The following SATB1 variants were observed in gnomAD, a reference collection of about 807,000 sequenced individuals.
SATB1 encodes the protein DNA-binding protein SATB1.
SATB1 carries 11 observed loss-of-function variants against 86.9 expected under a neutral mutation model. The ratio of observed to expected loss-of-function variants is 0.13; its 90% CI spans 0.08 to 0.21. The LOEUF is 0.21. SATB1 is among the 10% of genes least tolerant of loss of function. The probability of loss-of-function intolerance (pLI) is 1.00; values close to 1 mark genes in which losing one functional copy is unlikely to be tolerated. For synonymous variants in SATB1, 357 were observed against 357.2 expected (o/e 1.00, Z 0.01); for missense variants, 551 against 937.6 (o/e 0.59, Z 5.39).
intron 7 of SATB1, among the ~76,000 whole-genome samples, chr3:18,393,947 T>C (rs1477150531): frequency 6.6e-6 from 1 of 151,726 alleles, no homozygotes; most frequent in Non-Finnish European, 1.5e-5. Context: ...AATGGCTGCT[T>C]AGAATTAAGT....
In SATB1 at chr3:18,352,458, T is replaced by A. The variant is rs2125129408; in HGVS notation, c.1576-263A>T. The A allele has an allele frequency of 2.5e-6, 1 of 399,982 alleles. No homozygotes were observed. The highest frequency in any genetic ancestry group is 4.4e-5 in the East Asian group (1 of 22,770). The allele number at this position is 399,982 out of a possible 1,614,324, so 24.8% of individuals were successfully genotyped here. On this transcript the variant is annotated intron_variant, in intron 9 of 10. Coordinates refer to ENST00000338745, the MANE Select transcript of SATB1 (RefSeq NM_002971.6). The surrounding 1 kb of genome is among the most constrained non-coding windows in gnomAD (Gnocchi z 4.1). ...CAGACTCTGAGGGTAACAGAGCATTTATCACAGATTTTTTAATATATGAAA... is the reference window on the plus strand; with the variant it reads ...CAGACTCTGAGGGTAACAGAGCATTAATCACAGATTTTTTAATATATGAAA...
At chr3:18,442,023 CA>C (rs1387361920), upstream of SATB1, among the ~76,000 whole-genome samples, 1 of 151,994 alleles carries the variant, frequency 6.6e-6, no homozygotes. Flanking sequence ...CAAATCTGAA[CA>C]AAAAACATTC....
At chr3:18,419,808 C>T (rs1432348163) in intron 2 of SATB1, among the ~76,000 whole-genome samples, 1 of 152,114 alleles carries the variant, frequency 6.6e-6, no homozygotes, top group African/African-American at 2.4e-5. Context: ...TCTAACAATA[C>T]GGACTGCTGT....
chr3:18,412,852 G>T (rs1399649489), intron 5 of SATB1, among the ~76,000 whole-genome samples: 4 of 151,980 alleles, frequency 2.6e-5, no homozygotes, highest in African/African-American at 9.7e-5. Flanking sequence ...AAAAAATTCT[G>T]ACTGGAGTAT....
At position 18,348,923 on chromosome 3, in the gene SATB1, G is replaced by C. The variant is rs897403562; in HGVS notation, c.*247C>G. The C allele has an allele frequency of 1.2e-5, 7 of 567,192 alleles. No individual in the cohort carries two copies. Among genetic ancestry groups the C allele is most frequent in the Non-Finnish European group, 1.8e-5 (6 of 337,428 alleles). The allele number at this position is 567,192 out of a possible 1,614,324, so 35.1% of individuals were successfully genotyped here. On this transcript the variant is annotated 3_prime_UTR_variant, in exon 11 of 11. Coordinates refer to ENST00000338745, the MANE Select transcript of SATB1 (RefSeq NM_002971.6). ...GGGTACACACTTTGGTGCATCCCGT[G>C]AACACAAATTTTAATACCAAACAAT...
At chr3:18,414,857 C>A in intron 5 of SATB1, 1 of 354,888 alleles carries the variant, frequency 2.8e-6, no homozygotes, top group Non-Finnish European at 5.1e-6. Context: ...AAAAATTAGC[C>A]AGCGGAGTCT....
intron 5 of SATB1, chr3:18,408,706 G>A (rs1697677799): frequency 6.6e-6 from 1 of 151,254 alleles, no homozygotes; most frequent in African/African-American, 2.4e-5. Flanking sequence ...TGGAGTTGGG[G>A]GTTGTTCATG....
chr3:18,434,593 T>C (rs71312169), intron 2 of SATB1, among the ~76,000 whole-genome samples: 2 of 151,904 alleles, frequency 1.3e-5, no homozygotes, highest in African/African-American at 2.4e-5. Flanking sequence ...GTGGGAAAAG[T>C]AGTGGAGAAA....
At position 18,417,406 on chromosome 3, in the gene SATB1, G is replaced by T; in HGVS notation, c.212-328C>A. On this transcript the variant is annotated intron_variant, in intron 2 of 10. Coordinates refer to ENST00000338745, the MANE Select transcript of SATB1 (RefSeq NM_002971.6). The stretch of plus-strand genomic sequence containing the variant: ...TAATGGTGACGAAAGAGAAATAAAT[G>T]TATCTTCTCTAATTTGCTATGAGTA... 3 of 558,520 alleles carry T rather than the reference G, an allele frequency of 5.4e-6. No homozygotes were observed. In the South Asian group the frequency reaches 7.1e-5, roughly 13 times the overall value. The allele number at this position is 558,520 out of a possible 1,614,324, so 34.6% of individuals were successfully genotyped here. A position where few individuals can be genotyped will look rare whatever the true frequency, so the allele number is the denominator to read the frequency against.
At position 18,349,604 on chromosome 3, in the gene SATB1, T is replaced by TCTGTGGCTGCTG; in HGVS notation, c.1846_1857dup (p.Gln616_Gln619dup). ...TGCCGTGGGGGGAGCCGAGGGCCTG[T>TCTGTGGCTGCTG]CTGTGGCTGCTGCTGTGGCTGTGGA... On this transcript the variant is annotated inframe_insertion, in exon 11 of 11. Coordinates refer to ENST00000338745, the MANE Select transcript of SATB1 (RefSeq NM_002971.6). This position sits in a 1 kb window ranked among gnomAD's most constrained non-coding sequence, Gnocchi z 5.5. The TCTGTGGCTGCTG allele has an allele frequency of 6.2e-7, 1 of 1,613,608 alleles. No individual in the cohort carries two copies. The highest frequency in any genetic ancestry group is 1.7e-5 in the Admixed American group (1 of 60,024).
chr3:18,376,619 G>A (rs1012175155), intron 9 of SATB1, among the ~76,000 whole-genome samples: 4 of 152,056 alleles, frequency 2.6e-5, no homozygotes, highest in African/African-American at 9.7e-5. Flanking sequence ...TCTTAAATGC[G>A]TAGTCTTGGC....
At chr3:18,415,934 C>T in intron 4 of SATB1, 73 bp downstream of exon 4, 4 of 1,400,364 alleles carry the variant, frequency 2.9e-6, no homozygotes, top group South Asian at 1.5e-5. Context: ...GAAGGTCGAC[C>T]AGAGAGAAAT....
At chr3:18,407,176 T>C (rs1318232655) in intron 5 of SATB1, among the ~76,000 whole-genome samples, 1 of 152,064 alleles carries the variant, frequency 6.6e-6, no homozygotes, top group Middle Eastern at 3.2e-3. Flanking sequence ...CAGGTATCTT[T>C]ATTCTACTTG....
intron 5 of SATB1, among the ~76,000 whole-genome samples, chr3:18,403,352 T>A (rs1192020416): frequency 6.6e-6 from 1 of 152,084 alleles, no homozygotes; most frequent in African/African-American, 2.4e-5. Context: ...ATCTCATGAA[T>A]ACCCAAAAAC....
At chr3:18,417,551 G>A (rs569527474) in intron 2 of SATB1, 92 of 620,258 alleles carry the variant, frequency 1.5e-4, no homozygotes, top group East Asian at 1.1e-3. Context: ...AATTATCTTC[G>A]ACCACGAAAT....
chr3:18,430,875 G>A (rs1235966712), intron 2 of SATB1, among the ~76,000 whole-genome samples: 1 of 152,204 alleles, frequency 6.6e-6, no homozygotes, highest in Non-Finnish European at 1.5e-5. Flanking sequence ...GGTCATTATA[G>A]TTGAGGGGGA....
intron 9 of SATB1, among the ~76,000 whole-genome samples, chr3:18,366,164 C>T (rs764410809): frequency 1.3e-5 from 2 of 151,938 alleles, no homozygotes; most frequent in South Asian, 2.1e-4. Context: ...CATTTAAACG[C>T]GACATTTGGG....
At chr3:18,360,075 A>G (rs11927883) in intron 9 of SATB1, among the ~76,000 whole-genome samples, 11,442 of 152,180 alleles carry the variant, frequency 0.075, 641 homozygotes, top group South Asian at 0.16. Flanking sequence ...GGGAAAAGTA[A>G]GTCAATGATG....
At chr3:18,355,042 T>C (rs1277280460) in intron 9 of SATB1, among the ~76,000 whole-genome samples, 2 of 152,112 alleles carry the variant, frequency 1.3e-5, no homozygotes, top group Non-Finnish European at 2.9e-5. Context: ...GAAGCATGTC[T>C]CCGCTAGCCT....
Sources: allele counts gnomAD v4.1 joint callset (sites outside exome capture counted in the v4.1 genomes callset), GRCh38; gene constraint gnomAD v4.1.1; non-coding constraint Gnocchi (gnomAD v3.1); transcripts MANE v1.5; gene names NCBI Gene and HGNC (gene_info 2026-07-23, HGNC 2026-07-21).